Variants in PCDHGA5 observed in about 807,000 individuals in gnomAD.
PCDHGA5 encodes the protein protocadherin gamma-A5.
PCDHGA5 carries 36 observed loss-of-function variants against 56.7 expected under a neutral mutation model. That is an observed-to-expected ratio of 0.64 (90% CI 0.49 to 0.84). The LOEUF is 0.84. Ranked by LOEUF, PCDHGA5 falls within the 40% of genes least tolerant of loss-of-function variation. PCDHGA5 has a pLI of 0.00. For missense variants in PCDHGA5, 1,305 were observed against 1,201.5 expected, an observed-to-expected ratio of 1.09 and a Z score of -1.27; for synonymous variants, 563 against 520.2, an observed-to-expected ratio of 1.08 and a Z score of -1.12.
At chr5:141,436,394 T>C (rs781428769) in intron 1 of PCDHGA5, among the ~76,000 whole-genome samples, 15 of 152,216 alleles carry the variant, frequency 9.9e-5, no homozygotes, top group Non-Finnish European at 1.9e-4. Flanking sequence ...CTTTATTAAA[T>C]AGTTGTTGAA....
At chr5:141,496,733 C>T (rs1221912777) in intron 2 of PCDHGA5, among the ~76,000 whole-genome samples, 12 of 152,138 alleles carry the variant, frequency 7.9e-5, no homozygotes, top group African/African-American at 9.7e-5. Context: ...TGTATTCATT[C>T]GTTCATTTAT....
chr5:141,370,915 C>T, intron 1 of PCDHGA5: 1 of 1,614,006 alleles, frequency 6.2e-7, no homozygotes, highest in Non-Finnish European at 8.5e-7. Context: ...TACCTCAGCC[C>T]TGATCCGCAC....
chr5:141,415,811 A>G (rs2095960996), intron 1 of PCDHGA5: 5 of 1,340,748 alleles, frequency 3.7e-6, no homozygotes, highest in South Asian at 1.7e-5. Flanking sequence ...ATCAAGGCCT[A>G]TATATCATAA....
chr5:141,372,554 A>T, intron 1 of PCDHGA5: 1 of 1,612,360 alleles, frequency 6.2e-7, no homozygotes, highest in Non-Finnish European at 8.5e-7. Flanking sequence ...GCTCCTCCAG[A>T]CCCGCCACTG....
intron 1 of PCDHGA5, chr5:141,399,489 A>G (rs764497801): frequency 2.5e-6 from 4 of 1,614,008 alleles, no homozygotes; most frequent in South Asian, 1.1e-5. Context: ...CGTCCTACTT[A>G]GTCAGTGTAC....
chr5:141,389,741 G>A, intron 1 of PCDHGA5: 2 of 1,612,676 alleles, frequency 1.2e-6, no homozygotes, highest in African/African-American at 1.3e-5. Context: ...GCCTGGGGCT[G>A]CGCACGGGCG....
At chr5:141,427,280 A>G (rs1351534612) in intron 1 of PCDHGA5, 3 of 456,834 alleles carry the variant, frequency 6.6e-6, no homozygotes, top group Non-Finnish European at 8.8e-6. Context: ...GTAAAATTAT[A>G]CTAGAAATCC....
In PCDHGA5 at chr5:141,511,346, C is replaced by T; in HGVS notation, c.*173C>T. 7.1e-7 allele frequency: 1 copy of T among 1,400,168 alleles called. No homozygotes were observed. The allele number at this position is 1,400,168 out of a possible 1,614,324, so 86.7% of individuals were successfully genotyped here. A position where few individuals can be genotyped will look rare whatever the true frequency, so the allele number is the denominator to read the frequency against. On this transcript the variant is annotated 3_prime_UTR_variant, in exon 4 of 4. Transcript: ENST00000518069. ...AGTGCCCAGTCAGCACCTACCCCTT[C>T]CCCCCCAGGGGGTTGAATATGCAAA...
chr5:141,371,961 G>C lies in PCDHGA5; in HGVS notation c.2421+5210G>C. On this transcript the variant is annotated intron_variant, in intron 1 of 3. Transcript: ENST00000518069. ...GTTCGCGCAGCGAGCCTTCGACCAC[G>C]AGCAGCTGCGTGCCTTCGAGCTCAC... 6.2e-7 allele frequency: 1 copy of C among 1,613,240 alleles called. No individual in the cohort carries two copies. Among genetic ancestry groups the C allele is most frequent in the Admixed American group, 1.7e-5 (1 of 60,006 alleles).
rs1376069004 is a variant in PCDHGA5 at position 141,457,869 on chromosome 5, G to T, written c.2422-36938G>T. On this transcript the variant is annotated intron_variant, in intron 1 of 3. Transcript: ENST00000518069. ...AAGTGACATTCTTCACTGACCACAG[G>T]TTAGGAACCCTGTGTGGGGACTGTG... 2.0e-5 allele frequency among the ~76,000 whole-genome samples: 3 copies of T among 152,334 alleles called. No individual in the cohort carries two copies. The East Asian group carries it at 5.8e-4, about 29-fold the overall frequency.
chr5:141,451,358 T>C (rs537863729), intron 1 of PCDHGA5, among the ~76,000 whole-genome samples: 1 of 152,326 alleles, frequency 6.6e-6, no homozygotes, highest in African/African-American at 2.4e-5. Flanking sequence ...CAACAGAGGA[T>C]GGATCCGCTT....
chr5:141,423,086 T>TG, intron 1 of PCDHGA5: 1 of 1,613,912 alleles, frequency 6.2e-7, no homozygotes, highest in South Asian at 1.1e-5. Flanking sequence ...CTCTTCGCGG[T>TG]GGGGGAGCAC....
chr5:141,464,419 A>G (rs2099083824), intron 1 of PCDHGA5, among the ~76,000 whole-genome samples: 1 of 151,768 alleles, frequency 6.6e-6, no homozygotes, highest in South Asian at 2.1e-4. Context: ...ATATATCTAT[A>G]TATATAGATA....
intron 1 of PCDHGA5, chr5:141,410,113 A>G (rs760617436): frequency 3.4e-5 from 55 of 1,612,436 alleles, no homozygotes; most frequent in Non-Finnish European, 4.6e-5. Flanking sequence ...ACAGGGACGC[A>G]GCCCGCCAGC....
At chr5:141,408,410 G>C (rs1329403051) in intron 1 of PCDHGA5, 1 of 1,613,932 alleles carries the variant, frequency 6.2e-7, no homozygotes, top group African/African-American at 1.3e-5. Flanking sequence ...GCGAGTGAGC[G>C]CGGAGAAGCT....
At chr5:141,471,263 C>T (rs2099253826) in intron 1 of PCDHGA5, 1 of 151,898 alleles carries the variant, frequency 6.6e-6, no homozygotes, top group African/African-American at 2.4e-5. Context: ...GTTGGCAAGG[C>T]TGGTCTCAAA....
At chr5:141,508,739 C>A (rs1344024245) in intron 3 of PCDHGA5, among the ~76,000 whole-genome samples, 1 of 152,156 alleles carries the variant, frequency 6.6e-6, no homozygotes, top group African/African-American at 2.4e-5. Context: ...ACACCCCCCA[C>A]CCCGCTCTTT....
intron 2 of PCDHGA5, among the ~76,000 whole-genome samples, chr5:141,500,035 CTT>C: frequency 6.6e-6 from 1 of 152,100 alleles, no homozygotes; most frequent in East Asian, 1.9e-4. Flanking sequence ...GTGAGTGTCT[CTT>C]AAGTATCTTA....
chr5:141,431,670 T>C lies in PCDHGA5; in HGVS notation c.2422-63137T>C, dbSNP rs767342240. 1 of 1,614,070 alleles carries C rather than the reference T, an allele frequency of 6.2e-7. No homozygotes were observed. The highest frequency in any genetic ancestry group is 8.5e-7 in the Non-Finnish European group (1 of 1,180,026). On this transcript the variant is annotated intron_variant, in intron 1 of 3. Coordinates refer to ENST00000518069, the MANE Select transcript of PCDHGA5 (RefSeq NM_018918.3). This position sits in a 1 kb window ranked among gnomAD's most constrained non-coding sequence, Gnocchi z 4.8. ...TGTAATTCAGGGACAATATCAACAATAGGGGAGTTGGACCACGAGGAGTCA... is the reference window on the plus strand; with the variant it reads ...TGTAATTCAGGGACAATATCAACAACAGGGGAGTTGGACCACGAGGAGTCA...
Sources: gnomAD v4.1 joint callset for allele counts (sites outside exome capture counted in the v4.1 genomes callset) on GRCh38, gnomAD v4.1.1 for gene constraint, Gnocchi (gnomAD v3.1) non-coding constraint, MANE v1.5 for transcripts, NCBI Gene and HGNC (gene_info 2026-07-23, HGNC 2026-07-21) for gene names.